STIM2: variants seen among roughly 807,000 people sequenced by gnomAD.
STIM2 encodes the protein stromal interaction molecule 2.
STIM2 carries 31 observed loss-of-function variants against 85.8 expected under a neutral mutation model. The ratio of observed to expected loss-of-function variants is 0.36; its 90% CI spans 0.27 to 0.49. STIM2 has a LOEUF of 0.49. Ranked by LOEUF, STIM2 falls within the 20% of genes least tolerant of loss-of-function variation. The probability of loss-of-function intolerance (pLI) is 0.98; values close to 1 mark genes in which losing one functional copy is unlikely to be tolerated. For missense variants in STIM2, 841 were observed against 927.6 expected (o/e 0.91, Z 1.21); for synonymous variants, 356 against 331.1 (o/e 1.08, Z -0.82).
chr4:27,008,649 G>C, intron 9 of STIM2, 115 bp from the exon 10 acceptor site: 1 of 1,188,808 alleles, frequency 8.4e-7, no homozygotes, highest in Non-Finnish European at 1.2e-6. Context: ...TTAAGAGTGG[G>C]TTATTTCTTC....
At chr4:26,957,483 C>T (rs998410739) in intron 2 of STIM2, 129 bp from the exon 3 acceptor site, 33 of 495,688 alleles carry the variant, frequency 6.7e-5, no homozygotes, top group Non-Finnish European at 1.0e-4. Flanking sequence ...AATGTGACTA[C>T]AATACCAAAA....
At chr4:26,922,166 G>A (rs977425453) in intron 2 of STIM2, among the ~76,000 whole-genome samples, 7 of 151,750 alleles carry the variant, frequency 4.6e-5, no homozygotes. Context: ...TAAAATGAGT[G>A]GATAATTCAT....
intron 2 of STIM2, among the ~76,000 whole-genome samples, chr4:26,928,011 C>G (rs576485404): frequency 3.3e-5 from 5 of 151,794 alleles, no homozygotes; most frequent in African/African-American, 1.2e-4. Flanking sequence ...AGTCCAACAT[C>G]AAGGTGCTGG....
At chr4:26,996,677 G>T (rs937924174) in intron 4 of STIM2, among the ~76,000 whole-genome samples, 1 of 152,004 alleles carries the variant, frequency 6.6e-6, no homozygotes, top group Admixed American at 6.6e-5. Flanking sequence ...ACAACTAGAT[G>T]CTTGAAAGAA....
intron 3 of STIM2, among the ~76,000 whole-genome samples, chr4:26,962,600 G>A (rs1424335104): frequency 2.4e-5 from 3 of 122,586 alleles, no homozygotes; most frequent in African/African-American, 9.0e-5. Flanking sequence ...GTGTGTGTGT[G>A]TATGTGTGTC....
intron 5 of STIM2, among the ~76,000 whole-genome samples, chr4:27,001,008 C>T (rs1427334978): frequency 1.3e-5 from 2 of 152,096 alleles, no homozygotes; most frequent in Non-Finnish European, 2.9e-5. Context: ...ATTTCTTCCC[C>T]TACAGGTGGA....
At chr4:26,896,785 T>C (rs566383460) in intron 1 of STIM2, among the ~76,000 whole-genome samples, 1 of 152,340 alleles carries the variant, frequency 6.6e-6, no homozygotes, top group African/African-American at 2.4e-5. Context: ...TAATTCTTTG[T>C]ACAGATTCAT....
At chr4:27,020,992 A>T in intron 11 of STIM2, 6 of 1,535,964 alleles carry the variant, frequency 3.9e-6, no homozygotes, top group Non-Finnish European at 5.2e-6. Flanking sequence ...CCTTTCATGG[A>T]GTGAACAGTA....
At chr4:26,980,838 C>G (rs1012356873) in intron 3 of STIM2, among the ~76,000 whole-genome samples, 1 of 152,028 alleles carries the variant, frequency 6.6e-6, no homozygotes, top group African/African-American at 2.4e-5. Flanking sequence ...AATTTTTTTG[C>G]TAGATAAACA....
At chr4:26,872,415 T>C (rs1722657706) in intron 1 of STIM2, among the ~76,000 whole-genome samples, 1 of 152,236 alleles carries the variant, frequency 6.6e-6, no homozygotes, top group African/African-American at 2.4e-5. Flanking sequence ...CTTTAAAATC[T>C]TTAATTTCTG....
chr4:26,995,534 T>G (rs1203348861), intron 4 of STIM2, 44 bp downstream of exon 4: 1 of 1,282,034 alleles, frequency 7.8e-7, no homozygotes, highest in South Asian at 1.4e-5. Flanking sequence ...CAGGGAGAAT[T>G]ATATGCTAGA....
At chr4:26,966,727 A>G (rs1362239090) in intron 3 of STIM2, among the ~76,000 whole-genome samples, 1 of 152,144 alleles carries the variant, frequency 6.6e-6, no homozygotes. Flanking sequence ...TATATATTAC[A>G]TATATAAATG....
In STIM2 at chr4:26,995,466, A is replaced by T; in HGVS notation, c.485A>T (p.Asn162Ile). Residue 162 changes from asparagine to isoleucine, a missense_variant, in exon 4 of 12, where the codon AAT (asparagine) becomes ATT (isoleucine). Around this residue, in one of 3 missense-constraint regions of STIM2, gnomAD observed 408 missense variants for 525.4 expected, o/e 0.78. Coordinates refer to ENST00000467087, the MANE Select transcript of STIM2 (RefSeq NM_020860.4). ...TATGAGAAGAATTTTAGAGACAACA[A>T]TGTCAAAGGAACGACACTTCCCAGG... 1.2e-6 allele frequency: 2 copies of T among 1,601,066 alleles called. No homozygotes were observed. Among genetic ancestry groups the T allele is most frequent in the Non-Finnish European group, 1.7e-6 (2 of 1,174,022 alleles).
intron 2 of STIM2, among the ~76,000 whole-genome samples, chr4:26,956,790 A>G (rs1726259741): frequency 2.0e-5 from 3 of 152,150 alleles, no homozygotes; most frequent in African/African-American, 7.2e-5. Flanking sequence ...ATGCAGTGAT[A>G]TTGAGGCAGT....
chr4:26,949,138 T>G (rs540600977), intron 2 of STIM2, among the ~76,000 whole-genome samples: 49 of 152,194 alleles, frequency 3.2e-4, no homozygotes, highest in Non-Finnish European at 6.6e-4. Context: ...TTCCTTATCC[T>G]ATTACATAGT....
intron 1 of STIM2, among the ~76,000 whole-genome samples, chr4:26,909,142 CTT>C (rs1486637727): frequency 6.6e-6 from 1 of 152,144 alleles, no homozygotes; most frequent in Non-Finnish European, 1.5e-5. Flanking sequence ...AAAAGCTAGA[CTT>C]AGATTTCAGG....
In STIM2 at chr4:27,007,561, AAG is replaced by A; in HGVS notation, c.1012_1013del (p.Glu338IlefsTer2). On this transcript the variant is annotated frameshift_variant, in exon 8 of 12. Coordinates refer to ENST00000467087, the MANE Select transcript of STIM2 (RefSeq NM_020860.4). LOFTEE classifies it high-confidence loss of function. Reference sequence around the variant, plus strand: ...CGCATGGCTCTGAAAAAGGCCGAAAAAGAATTTGAACTGAGAAGCAGTTGGTC... The same window carrying A: ...CGCATGGCTCTGAAAAAGGCCGAAAAAATTTGAACTGAGAAGCAGTTGGTC... The A allele has an allele frequency of 1.9e-6, 3 of 1,571,966 alleles. No individual in the cohort carries two copies. Among genetic ancestry groups the A allele is most frequent in the Non-Finnish European group, 2.6e-6 (3 of 1,159,508 alleles).
chr4:26,942,284 C>G (rs1027719320), intron 2 of STIM2, among the ~76,000 whole-genome samples: 1 of 152,126 alleles, frequency 6.6e-6, no homozygotes, highest in African/African-American at 2.4e-5. Flanking sequence ...TATCCCTACT[C>G]TAAGGCAGTC....
intron 7 of STIM2, among the ~76,000 whole-genome samples, chr4:27,004,503 T>A (rs1246742183): frequency 6.6e-6 from 1 of 152,086 alleles, no homozygotes; most frequent in Non-Finnish European, 1.5e-5. Context: ...CTTTCTAAAC[T>A]TTGTATATAA....
Sources: allele counts gnomAD v4.1 joint callset (sites outside exome capture counted in the v4.1 genomes callset), GRCh38; gene constraint gnomAD v4.1.1; regional missense constraint gnomAD v4.1.1; transcripts MANE v1.5; gene names NCBI Gene and HGNC (gene_info 2026-07-23, HGNC 2026-07-21).